The following GPATCH2 variants were observed in gnomAD, a reference collection of about 807,000 sequenced individuals.
The protein encoded by GPATCH2 is G patch domain-containing protein 2.
A neutral mutation model predicts 58.0 loss-of-function variants in GPATCH2; 51 were observed. The observed-to-expected ratio is 0.88, with a 90% CI of 0.70 to 1.11. GPATCH2 has a LOEUF of 1.11. GPATCH2 is among the 50% of genes most tolerant of loss of function. The pLI is 0.00. For missense variants in GPATCH2, 625 were observed against 652.2 expected, an observed-to-expected ratio of 0.96 and a Z score of 0.45; for synonymous variants, 222 against 218.5, an observed-to-expected ratio of 1.02 and a Z score of -0.14.
intron 6 of GPATCH2, 49 bp from the exon 7 acceptor site, chr1:217,498,444 G>C: frequency 2.1e-6 from 3 of 1,403,120 alleles, no homozygotes; most frequent in Middle Eastern, 3.5e-4. Flanking sequence ...CTAAAAGCAC[G>C]TGCTCTCACA....
At chr1:217,576,547 A>T (rs1484241331) in intron 5 of GPATCH2, among the ~76,000 whole-genome samples, 1 of 152,190 alleles carries the variant, frequency 6.6e-6, no homozygotes, top group African/African-American at 2.4e-5. Context: ...CATAATTCAC[A>T]TGCAGAACTA....
chr1:217,449,013 A>C (rs1032704380), intron 9 of GPATCH2, among the ~76,000 whole-genome samples: 2 of 152,120 alleles, frequency 1.3e-5, no homozygotes, highest in Non-Finnish European at 2.9e-5. Flanking sequence ...GTATCCTTTT[A>C]ATACCTTACA....
intron 7 of GPATCH2, among the ~76,000 whole-genome samples, chr1:217,493,742 C>A (rs1378936810): frequency 6.6e-6 from 1 of 151,932 alleles, no homozygotes; most frequent in Non-Finnish European, 1.5e-5. Flanking sequence ...AAGTCTAGTG[C>A]CTTTTAAAAA....
At chr1:217,504,116 G>A (rs995794975) in intron 6 of GPATCH2, among the ~76,000 whole-genome samples, 2 of 152,096 alleles carry the variant, frequency 1.3e-5, no homozygotes, top group African/African-American at 4.8e-5. Flanking sequence ...TAATTCAAGC[G>A]CCAAAGTCCT....
chr1:217,535,662 C>G (rs1664425105), intron 5 of GPATCH2, among the ~76,000 whole-genome samples: 1 of 152,088 alleles, frequency 6.6e-6, no homozygotes, highest in African/African-American at 2.4e-5. Context: ...AGTTAATGTA[C>G]AAGATTGTTT....
chr1:217,559,056 T>C (rs1665791971), intron 5 of GPATCH2, among the ~76,000 whole-genome samples: 1 of 152,146 alleles, frequency 6.6e-6, no homozygotes. Flanking sequence ...CTCAGGAATA[T>C]GTATAATAAT....
intron 8 of GPATCH2, among the ~76,000 whole-genome samples, chr1:217,472,459 G>A (rs1660771114): frequency 6.6e-6 from 1 of 151,868 alleles, no homozygotes. Context: ...CCGCCACCAC[G>A]CCGGGCTAAT....
intron 5 of GPATCH2, among the ~76,000 whole-genome samples, chr1:217,581,824 G>A (rs148357270): frequency 0.018 from 2,795 of 152,236 alleles, 41 homozygotes; most frequent in Middle Eastern, 0.088. Context: ...AGTAATGGGC[G>A]CCTGTGATCC....
At chr1:217,497,936 T>C (rs1446511201) in intron 7 of GPATCH2, among the ~76,000 whole-genome samples, 1 of 152,194 alleles carries the variant, frequency 6.6e-6, no homozygotes, top group African/African-American at 2.4e-5. Flanking sequence ...AGAAATATAA[T>C]GTAAAAGTAT....
At chr1:217,620,530 TAGTC>T (rs758697040) in intron 1 of GPATCH2, 31 bp from the exon 2 acceptor site, 63 of 1,346,014 alleles carry the variant, frequency 4.7e-5, no homozygotes, top group Admixed American at 7.8e-5. Context: ...AAAAAGAAAA[TAGTC>T]AGTCTTAACC....
At chr1:217,462,515 A>T (rs1306900127) in intron 8 of GPATCH2, among the ~76,000 whole-genome samples, 1 of 152,242 alleles carries the variant, frequency 6.6e-6, no homozygotes, top group East Asian at 1.9e-4. Context: ...CTAAAAAACA[A>T]AAAAAAGACA....
chr1:217,533,374 G>T (rs1048380231), intron 5 of GPATCH2, among the ~76,000 whole-genome samples: 1 of 152,152 alleles, frequency 6.6e-6, no homozygotes, highest in Non-Finnish European at 1.5e-5. Context: ...ACCTCCTGGA[G>T]ACTAGAAAAT....
At chr1:217,500,750 GT>G (rs1164398216) in intron 6 of GPATCH2, among the ~76,000 whole-genome samples, 14 of 151,418 alleles carry the variant, frequency 9.2e-5, no homozygotes, top group South Asian at 2.1e-4. Flanking sequence ...ATTAGTTTTT[GT>G]TTTTTTTCTC....
At chr1:217,463,139 A>T (rs1430399203) in intron 8 of GPATCH2, among the ~76,000 whole-genome samples, 1 of 152,168 alleles carries the variant, frequency 6.6e-6, no homozygotes, top group Non-Finnish European at 1.5e-5. Context: ...TGCGGTTGAG[A>T]TCATATTTTA....
chr1:217,483,905 T>A (rs1661332576), intron 8 of GPATCH2, among the ~76,000 whole-genome samples: 1 of 152,232 alleles, frequency 6.6e-6, no homozygotes, highest in South Asian at 2.1e-4. Flanking sequence ...TTGCAAATAT[T>A]TTTTCCAGGT....
intron 8 of GPATCH2, among the ~76,000 whole-genome samples, chr1:217,459,830 C>T (rs1174188091): frequency 6.6e-6 from 1 of 152,032 alleles, no homozygotes; most frequent in Non-Finnish European, 1.5e-5. Context: ...TATATGATAT[C>T]TGGATATGTT....
At chr1:217,440,555 G>A (rs964086310) in intron 9 of GPATCH2, among the ~76,000 whole-genome samples, 1 of 152,164 alleles carries the variant, frequency 6.6e-6, no homozygotes, top group African/African-American at 2.4e-5. Context: ...CAAATAGGAA[G>A]AGAGGAAGTC....
intron 1 of GPATCH2, among the ~76,000 whole-genome samples, chr1:217,630,427 G>A (rs1392375588): frequency 6.6e-6 from 1 of 152,164 alleles, no homozygotes; most frequent in Non-Finnish European, 1.5e-5. Flanking sequence ...GAATGTTCAA[G>A]AGGGTGGAAA....
In GPATCH2 at chr1:217,480,517, AG is replaced by A. The variant is rs528419715; in HGVS notation, c.1277+11162del. Among the ~76,000 whole-genome samples the A allele has an allele frequency of 1.1e-3, 168 of 152,288 alleles. 1 individual carries two copies. Among genetic ancestry groups the A allele is most frequent in the Non-Finnish European group, 2.1e-3 (141 of 68,014 alleles). On this transcript the variant is annotated intron_variant, in intron 8 of 9. Coordinates refer to ENST00000366935, the MANE Select transcript of GPATCH2 (RefSeq NM_018040.5). ...GAATTCTGGCAGGGATGTGGAGAAAAGGGAACCCTTTAATGTTGTTGGCAGG... is the reference window on the plus strand; with the variant it reads ...GAATTCTGGCAGGGATGTGGAGAAAAGGAACCCTTTAATGTTGTTGGCAGG...
Sources: gnomAD v4.1 joint callset for allele counts (sites outside exome capture counted in the v4.1 genomes callset) on GRCh38, gnomAD v4.1.1 for gene constraint, MANE v1.5 for transcripts, NCBI Gene and HGNC (gene_info 2026-07-23, HGNC 2026-07-21) for gene names.